The following SMC2 variants were observed in gnomAD, a reference collection of about 807,000 sequenced individuals.
SMC2 encodes the protein structural maintenance of chromosomes protein 2.
In SMC2, 41 loss-of-function variants were observed where a neutral mutation model predicts 142.6. The ratio of observed to expected loss-of-function variants is 0.29; its 90% CI spans 0.22 to 0.37. The LOEUF (loss-of-function observed/expected upper bound fraction) is 0.37. Among genes scored for constraint, SMC2 ranks in the 10% least tolerant of loss-of-function variants. The pLI, the probability that SMC2 is intolerant of heterozygous loss-of-function variation, is 1.00. For synonymous variants in SMC2, 463 were observed against 457.5 expected (o/e 1.01, Z -0.15); for missense variants, 1,265 against 1,373.7 (o/e 0.92, Z 1.25).
chr9:104,107,168 C>T lies in SMC2; in HGVS notation c.1021-4413C>T, dbSNP rs543154336. ...TGATAATCAAGCTCTTTTGAGCCTGCCCCAATTCATTGATAGGGTTTGTAA... is the reference window on the plus strand; with the variant it reads ...TGATAATCAAGCTCTTTTGAGCCTGTCCCAATTCATTGATAGGGTTTGTAA... On this transcript the variant is annotated intron_variant, in intron 9 of 24. Transcript: ENST00000374793. Among the ~76,000 whole-genome samples the T allele has an allele frequency of 5.9e-5, 9 of 152,282 alleles. No homozygotes were observed. In the East Asian group the frequency reaches 1.7e-3, roughly 29 times the overall value.
chr9:104,134,456 TG>T lies in SMC2; in HGVS notation c.3152del (p.Gly1051ValfsTer32). 1 of 1,608,712 alleles carries T rather than the reference TG, an allele frequency of 6.2e-7. No individual in the cohort carries two copies. The highest frequency in any genetic ancestry group is 1.1e-5 in the South Asian group (1 of 89,942). ...FGSIFSTLLPGANAMLAPPEG... is the reference protein window; with the variant it reads ...FGSIFSTLLPXANAMLAPPEG... ...GGTCTATTTTTTCTACTCTTTTGCC[TG>T]GTGCTAATGCTATGCTTGCACCACC... On this transcript the variant is annotated frameshift_variant, in exon 23 of 25. Coordinates refer to ENST00000374793, the MANE Select transcript of SMC2 (RefSeq NM_006444.3). LOFTEE classifies it high-confidence loss of function.
chr9:104,091,519 CAG>C (rs893730328), upstream of SMC2, among the ~76,000 whole-genome samples: 17 of 152,262 alleles, frequency 1.1e-4, no homozygotes, highest in African/African-American at 4.1e-4. Flanking sequence ...CAGCCTGAGA[CAG>C]AGTGAGACTC....
intron 17 of SMC2, 142 bp downstream of exon 17, chr9:104,123,374 G>A: frequency 1.4e-6 from 1 of 698,340 alleles, no homozygotes; most frequent in East Asian, 3.4e-5. Flanking sequence ...GGATTTCTAG[G>A]TCTTAGGGTA....
At chr9:104,103,938 T>C (rs1296520128) in intron 9 of SMC2, among the ~76,000 whole-genome samples, 1 of 152,104 alleles carries the variant, frequency 6.6e-6, no homozygotes, top group Non-Finnish European at 1.5e-5. Context: ...TTAGGTGAGG[T>C]TTGTAAAGCT....
At chr9:104,119,127 C>T (rs1470465172) in intron 15 of SMC2, among the ~76,000 whole-genome samples, 1 of 152,084 alleles carries the variant, frequency 6.6e-6, no homozygotes, top group Non-Finnish European at 1.5e-5. Flanking sequence ...GCCACGAAAA[C>T]ATTAGCCGGT....
chr9:104,134,449 T>C lies in SMC2; in HGVS notation c.3143T>C (p.Leu1048Pro). Residue 1048 changes from leucine to proline, a missense_variant, in exon 23 of 25, where the codon CTT becomes CCT. Around this residue, in one of 4 missense-constraint regions of SMC2, gnomAD observed 192 missense variants for 261.9 expected, o/e 0.73. Coordinates refer to ENST00000374793, the MANE Select transcript of SMC2 (RefSeq NM_006444.3). ...NKDFGSIFST[L>P]LPGANAMLAP... Reference sequence around the variant, plus strand: ...GACTTTGGGTCTATTTTTTCTACTCTTTTGCCTGGTGCTAATGCTATGCTT... The same window carrying C: ...GACTTTGGGTCTATTTTTTCTACTCCTTTGCCTGGTGCTAATGCTATGCTT... 1 of 1,606,886 alleles carries C rather than the reference T, an allele frequency of 6.2e-7. No individual in the cohort carries two copies. Among genetic ancestry groups the C allele is most frequent in the Non-Finnish European group, 8.5e-7 (1 of 1,177,188 alleles).
chr9:104,101,627 C>T (rs78730785), intron 7 of SMC2, among the ~76,000 whole-genome samples: 19,539 of 152,122 alleles, frequency 0.13, 1,544 homozygotes, highest in Non-Finnish European at 0.15. Flanking sequence ...TTAGAGTAGG[C>T]ATCTTGATAC....
At position 104,113,874 on chromosome 9, in the gene SMC2, C is replaced by T; in HGVS notation, c.1415-90C>T. ...TACAGAAATTTGTATTTTTTGCATG[C>T]TTTGGAAATAGTGGTTGCTAATATT... On this transcript the variant is annotated intron_variant, in intron 11 of 24. Coordinates refer to ENST00000374793, the MANE Select transcript of SMC2 (RefSeq NM_006444.3). 4 of 745,334 alleles carry T rather than the reference C, an allele frequency of 5.4e-6. No homozygotes were observed. The South Asian group carries it at 9.7e-5, about 18-fold the overall frequency. The allele number at this position is 745,334 out of a possible 1,614,324, so 46.2% of individuals were successfully genotyped here.
At chr9:104,139,099 C>T in intron 24 of SMC2, 40 bp from the exon 25 acceptor site, 1 of 1,419,118 alleles carries the variant, frequency 7.0e-7, no homozygotes, top group Non-Finnish European at 9.5e-7. Context: ...TCAAGTATAT[C>T]ACAAAAAGTT....
intron 20 of SMC2, 46 bp downstream of exon 20, chr9:104,127,526 CTGAGCTCTTGAAAAAA>C: frequency 7.2e-7 from 1 of 1,396,304 alleles, no homozygotes; most frequent in South Asian, 1.9e-5. Flanking sequence ...ATTTTTGTTA[CTGAGCTCTTGAAAAAA>C]TTTAGAAAAC....
intron 22 of SMC2, among the ~76,000 whole-genome samples, chr9:104,133,971 CTTGTGTTTTTTTGTTTGCTTCTCTATT>C (rs1340358092): frequency 6.6e-6 from 1 of 152,000 alleles, no homozygotes; most frequent in Non-Finnish European, 1.5e-5. Context: ...TCCAAAAATA[CTTGTGTTTTTTTGTTTGCTTCTCTATT>C]TTGTGTTTTT....
At chr9:104,136,455 A>G (rs1342385047) in intron 23 of SMC2, among the ~76,000 whole-genome samples, 3 of 152,138 alleles carry the variant, frequency 2.0e-5, no homozygotes, top group Admixed American at 2.0e-4. Context: ...GCCCTAGAAA[A>G]TGTTTTGAGG....
intron 4 of SMC2, 152 bp from the exon 5 acceptor site, chr9:104,099,492 T>C (rs1830868299): frequency 1.9e-6 from 1 of 540,212 alleles, no homozygotes. Flanking sequence ...GTTCCAAAAT[T>C]CTAGAATCAT....
chr9:104,136,909 CCA>C (rs1835608489), intron 23 of SMC2, among the ~76,000 whole-genome samples: 1 of 151,836 alleles, frequency 6.6e-6, no homozygotes, highest in African/African-American at 2.4e-5. Context: ...GTTTGGGAGG[CCA>C]AGGCAGGTGG....
intron 24 of SMC2, 98 bp downstream of exon 24, chr9:104,138,263 G>C: frequency 4.2e-6 from 4 of 960,470 alleles, no homozygotes; most frequent in Non-Finnish European, 4.4e-6. Flanking sequence ...GATATTTAGG[G>C]TTGATAAATA....
chr9:104,115,176 T>G (rs1377026918), intron 13 of SMC2, among the ~76,000 whole-genome samples: 1 of 152,148 alleles, frequency 6.6e-6, no homozygotes, highest in Non-Finnish European at 1.5e-5. Context: ...TTCTCACTTA[T>G]TATCCTTCTG....
upstream of SMC2, among the ~76,000 whole-genome samples, chr9:104,091,451 T>A (rs563476374): frequency 3.3e-5 from 5 of 152,154 alleles, no homozygotes; most frequent in Admixed American, 2.6e-4. Flanking sequence ...TAATCAGACA[T>A]TGAAATATTA....
chr9:104,113,310 C>A lies in SMC2; in HGVS notation c.1255-6C>A, dbSNP rs1587937303. On this transcript the variant is annotated splice_region_variant and splice_polypyrimidine_tract_variant and intron_variant, in intron 10 of 24. Transcript: ENST00000374793. ...TCCTATGGTCTGTTGCATTTTTCTG[C>A]CACAGGCTCAGATGAAGTTGAAGCA... 6.3e-7 allele frequency: 1 copy of A among 1,594,984 alleles called. No homozygotes were observed.
chr9:104,125,631 A>G (rs561069520), intron 18 of SMC2, among the ~76,000 whole-genome samples: 1 of 152,242 alleles, frequency 6.6e-6, no homozygotes, highest in African/African-American at 2.4e-5. Flanking sequence ...TCTGGATGTC[A>G]TATCAGAGAT....
Sources: gnomAD v4.1 joint callset for allele counts (sites outside exome capture counted in the v4.1 genomes callset) on GRCh38, gnomAD v4.1.1 for gene constraint, gnomAD v4.1.1 regional missense constraint, MANE v1.5 for transcripts, NCBI Gene and HGNC (gene_info 2026-07-23, HGNC 2026-07-21) for gene names.